The following ITM2C variants were observed in gnomAD, a reference collection of about 807,000 sequenced individuals.
ITM2C encodes the protein integral membrane protein 2C, also known as BRICHOS domain containing 2C.
A neutral mutation model predicts 30.0 loss-of-function variants in ITM2C; 20 were observed. The ratio of observed to expected loss-of-function variants is 0.67; its 90% confidence interval spans 0.47 to 0.97. The LOEUF is 0.97. Among genes scored for constraint, ITM2C ranks in the 50% least tolerant of loss-of-function variants. ITM2C has a pLI of 0.00. For missense variants in ITM2C, 366 were observed against 371.9 expected (o/e 0.98, Z 0.13); for synonymous variants, 167 against 156.4 (o/e 1.07, Z -0.51).
intron 1 of ITM2C, among the ~76,000 whole-genome samples, chr2:230,868,854 C>T (rs1373985285): frequency 1.3e-5 from 2 of 152,244 alleles, no homozygotes; most frequent in Non-Finnish European, 1.5e-5. Flanking sequence ...AGCGGCCCTG[C>T]TCCATCCAGG....
Position 230,869,530 on chromosome 2 carries a change from G to A in ITM2C, c.121-3887G>A, listed in dbSNP as rs1697112166. ...TGAGGACCAGGAGAGATGTGGGGGA[G>A]GTGAGATGAGACTGCCTCCCCAACC... On this transcript the variant is annotated intron_variant, in intron 1 of 5. Transcript: ENST00000326427. 2.0e-5 allele frequency among the ~76,000 whole-genome samples: 3 copies of A among 152,324 alleles called. No individual in the cohort carries two copies. The South Asian group carries it at 6.2e-4, about 32-fold the overall frequency.
intron 2 of ITM2C, among the ~76,000 whole-genome samples, chr2:230,874,650 C>T (rs548667006): frequency 6.6e-6 from 1 of 152,332 alleles, no homozygotes; most frequent in South Asian, 2.1e-4. Flanking sequence ...GGCTCTCATC[C>T]CCGCACAGCC....
At chr2:230,873,863 G>A (rs1001702041) in intron 2 of ITM2C, among the ~76,000 whole-genome samples, 2 of 152,220 alleles carry the variant, frequency 1.3e-5, no homozygotes, top group African/African-American at 4.8e-5. Flanking sequence ...GGCAGAAACT[G>A]GAACTGTGAT....
chr2:230,865,131 C>T lies in ITM2C; in HGVS notation c.106C>T (p.Leu36=). ...PAPASATEIL[L]TPAREEQPPQ... The stretch of plus-strand genomic sequence containing the variant: ...GCCGGCCTCGGCCACCGAGATCCTG[C>T]TGACGCCGGCTAGGGTGAGAGGGTC... Residue 36 remains leucine (L), a synonymous_variant, in exon 1 of 6, where the codon CTG becomes TTG. Transcript: ENST00000326427. The surrounding 1 kb of genome is among the most constrained non-coding windows in gnomAD (Gnocchi z 6.8). 1 of 1,491,072 alleles carries T rather than the reference C, an allele frequency of 6.7e-7. No homozygotes were observed. Among genetic ancestry groups the T allele is most frequent in the Non-Finnish European group, 9.0e-7 (1 of 1,113,044 alleles). 92.4% of individuals were successfully genotyped at this position (1,491,072 alleles called of 1,614,324 possible). A position where few individuals can be genotyped will look rare whatever the true frequency, so the allele number is the denominator to read the frequency against.
Position 230,877,266 on chromosome 2 carries a change from C to A in ITM2C, c.562-134C>A. ...CACAGGTGCAGGCACCGGGCACAGG[C>A]AGGAAGTGCCTGAGGACATCAGAAG... On this transcript the variant is annotated intron_variant, in intron 4 of 5. Coordinates refer to ENST00000326427, the MANE Select transcript of ITM2C (RefSeq NM_030926.6). This position sits in a 1 kb window ranked among gnomAD's most constrained non-coding sequence, Gnocchi z 4.8. 1 of 850,724 alleles carries A rather than the reference C, an allele frequency of 1.2e-6. No homozygotes were observed. The highest frequency in any genetic ancestry group is 1.7e-5 in the South Asian group (1 of 59,206). The allele number at this position is 850,724 out of a possible 1,614,324, so 52.7% of individuals were successfully genotyped here. A position where few individuals can be genotyped will look rare whatever the true frequency, so the allele number is the denominator to read the frequency against.
At chr2:230,876,812 G>C in intron 3 of ITM2C, 45 bp from the exon 4 acceptor site, 1 of 1,355,422 alleles carries the variant, frequency 7.4e-7, no homozygotes, top group Non-Finnish European at 1.1e-6. Flanking sequence ...GCCTGGGTCA[G>C]CTGTCACCTC....
upstream of ITM2C, chr2:230,864,883 C>T: frequency 9.7e-7 from 1 of 1,034,554 alleles, no homozygotes; most frequent in Non-Finnish European, 1.2e-6. The surrounding 1 kb of genome is among the most constrained non-coding windows in gnomAD (Gnocchi z 4.3). Flanking sequence ...GGGGACGGGG[C>T]GGGGAGGGCT....
chr2:230,867,417 G>C (rs934824), intron 1 of ITM2C, among the ~76,000 whole-genome samples: 58,738 of 152,028 alleles, frequency 0.39, 13,237 homozygotes, highest in East Asian at 0.84. Flanking sequence ...GCCAGGCCTC[G>C]TCTCCTGCCC....
chr2:230,877,367 C>T lies in ITM2C; in HGVS notation c.562-33C>T. ...AGGGGTTGGACGAAAGCCTGAGGGGCCGACTCACTGTGGCGGCCACCTTGT... is the reference window on the plus strand; with the variant it reads ...AGGGGTTGGACGAAAGCCTGAGGGGTCGACTCACTGTGGCGGCCACCTTGT... On this transcript the variant is annotated intron_variant, in intron 4 of 5. Transcript: ENST00000326427. This position sits in a 1 kb window ranked among gnomAD's most constrained non-coding sequence, Gnocchi z 4.8. 6.2e-7 allele frequency: 1 copy of T among 1,608,760 alleles called. No homozygotes were observed. Among genetic ancestry groups the T allele is most frequent in the Non-Finnish European group, 8.5e-7 (1 of 1,176,690 alleles).
At position 230,875,642 on chromosome 2, in the gene ITM2C, G is replaced by T; in HGVS notation, c.284G>T (p.Arg95Leu). The T allele has an allele frequency of 1.2e-6, 2 of 1,607,586 alleles. No homozygotes were observed. Among genetic ancestry groups the T allele is most frequent in the Non-Finnish European group, 1.7e-6 (2 of 1,176,898 alleles). ...CAGCTGGCCCGAGATAACTTCTTCC[G>T]CTGTGGTGTGCTGTATGAGGACTCC... is the stretch of plus-strand genomic sequence containing the variant. ...LAQLARDNFF[R>L]CGVLYEDSLS... The change falls in exon 3 of 6, where the codon CGC (arginine) becomes CTC (leucine). Residue 95 changes from arginine to leucine, a missense_variant. By Grantham distance (102) the Arg-to-Leu change is moderately radical. Transcript: ENST00000326427.
In ITM2C at chr2:230,875,424, C is replaced by T. The variant is rs562207325; in HGVS notation, c.262-196C>T. On this transcript the variant is annotated intron_variant, in intron 2 of 5. Coordinates refer to ENST00000326427, the MANE Select transcript of ITM2C (RefSeq NM_030926.6). ...GCCCAAGAATCAGCTCATCTCCTCA[C>T]TGGCAGCCCCAGACCCTGACCTGAT... Among the ~76,000 whole-genome samples, 92 of 152,360 alleles carry T rather than the reference C, an allele frequency of 6.0e-4. 1 individual carries two copies. In the South Asian group the frequency reaches 0.018, roughly 29 times the overall value.
Position 230,871,120 on chromosome 2 carries a change from C to A in ITM2C, c.121-2297C>A, listed in dbSNP as rs565657382. On this transcript the variant is annotated intron_variant, in intron 1 of 5. Transcript: ENST00000326427. The stretch of plus-strand genomic sequence containing the variant: ...CAGCAAAACCCCTGTCACGCAGAGT[C>A]TGTCCACATTTTGCATGGGAGACCC... Among the ~76,000 whole-genome samples, 15 of 152,376 alleles carry A rather than the reference C, an allele frequency of 9.8e-5. No homozygotes were observed. In the East Asian group the frequency reaches 2.9e-3, roughly 29 times the overall value.
chr2:230,875,726 A>G lies in ITM2C; in HGVS notation c.368A>G (p.Asp123Gly). The G allele has an allele frequency of 6.2e-7, 1 of 1,610,872 alleles. No homozygotes were observed. Among genetic ancestry groups the G allele is most frequent in the Non-Finnish European group, 8.5e-7 (1 of 1,178,400 alleles). Residue 123 changes from aspartate (D) to glycine (G), a missense_variant, in exon 3 of 6, where the codon GAC becomes GGC. Coordinates refer to ENST00000326427, the MANE Select transcript of ITM2C (RefSeq NM_030926.6). ...ELEEDVKIYL[D>G]ENYERINVPV... ...GAAGAGGATGTGAAAATCTACCTCG[A>G]CGAGAACTACGAGCGCATCAACGTG...
Position 230,877,579 on chromosome 2 carries a change from C to A in ITM2C, c.712+29C>A, listed in dbSNP as rs373329892. 1 of 1,611,300 alleles carries A rather than the reference C, an allele frequency of 6.2e-7. No homozygotes were observed. Among genetic ancestry groups the A allele is most frequent in the East Asian group, 2.2e-5 (1 of 44,866 alleles). On this transcript the variant is annotated intron_variant, in intron 5 of 5. Coordinates refer to ENST00000326427, the MANE Select transcript of ITM2C (RefSeq NM_030926.6). The surrounding 1 kb of genome is among the most constrained non-coding windows in gnomAD (Gnocchi z 4.8). ...AGTGGCTGGCTTCACCCACAGTAGC[C>A]CCTGTCCCGTGCCCCAGACCACAGT...
intron 1 of ITM2C, among the ~76,000 whole-genome samples, chr2:230,867,661 T>C (rs1024296500): frequency 1.4e-5 from 1 of 70,988 alleles, no homozygotes; most frequent in Non-Finnish European, 2.5e-5. Context: ...CTATTTTATT[T>C]TATTTTATTT....
At chr2:230,872,324 C>T (rs1397561978) in intron 1 of ITM2C, among the ~76,000 whole-genome samples, 1 of 152,188 alleles carries the variant, frequency 6.6e-6, no homozygotes, top group Non-Finnish European at 1.5e-5. Flanking sequence ...TGCATTATCT[C>T]CAAGGGTGAG....
intron 2 of ITM2C, among the ~76,000 whole-genome samples, chr2:230,874,059 G>C (rs1697231832): frequency 6.6e-6 from 1 of 152,212 alleles, no homozygotes; most frequent in Non-Finnish European, 1.5e-5. Flanking sequence ...CTCCCCGGGG[G>C]ACCTGGGCAC....
chr2:230,879,105 T>C lies in ITM2C; in HGVS notation c.*1006T>C, dbSNP rs1690026437. ...TACTGATCATTCGATATGCTAACCG[T>C]TCTCAGCCCTGAGCCTTGGAGAGGA... On this transcript the variant is annotated 3_prime_UTR_variant, in exon 6 of 6. Transcript: ENST00000326427. 1 of 152,700 alleles carries C rather than the reference T, an allele frequency of 6.5e-6. No homozygotes were observed. The highest frequency in any genetic ancestry group is 1.5e-5 in the Non-Finnish European group (1 of 68,056). The allele number at this position is 152,700 out of a possible 1,614,324, so 9.5% of individuals were successfully genotyped here.
chr2:230,864,900 G>C, upstream of ITM2C: 1 of 1,132,196 alleles, frequency 8.8e-7, no homozygotes, highest in Non-Finnish European at 1.1e-6. This position sits in a 1 kb window ranked among gnomAD's most constrained non-coding sequence, Gnocchi z 4.3. Flanking sequence ...GGCTGGGGGT[G>C]GGGTTAGAGA....
Sources: gnomAD v4.1 joint callset for allele counts (sites outside exome capture counted in the v4.1 genomes callset) on GRCh38, gnomAD v4.1.1 for gene constraint, Gnocchi (gnomAD v3.1) non-coding constraint, MANE v1.5 for transcripts, NCBI Gene and HGNC (gene_info 2026-07-23, HGNC 2026-07-21) for gene names.